The following ODF2 variants were observed in gnomAD, a reference collection of about 807,000 sequenced individuals.
ODF2 encodes the protein outer dense fiber protein 2.
In ODF2, 47 loss-of-function variants were observed where a neutral mutation model predicts 110.2. That is an observed-to-expected ratio of 0.43 (90% CI 0.34 to 0.54). The LOEUF (loss-of-function observed/expected upper bound fraction) is 0.54, where lower values mean the gene tolerates loss of function less well. Among genes scored for constraint, ODF2 ranks in the 20% least tolerant of loss-of-function variants. ODF2 has a pLI of 0.03. For missense variants in ODF2, 812 were observed against 1,054.5 expected, an observed-to-expected ratio of 0.77 and a Z score of 3.19; for synonymous variants, 352 against 397.7, an observed-to-expected ratio of 0.89 and a Z score of 1.37.
rs1407539928 is a variant in ODF2, at chr9:128,473,496, C to A, written c.712-114C>A. On this transcript the variant is annotated intron_variant, in intron 7 of 20. Transcript: ENST00000604420. The stretch of plus-strand genomic sequence containing the variant: ...TGCCCTTGATCACCTTGGCACTGTA[C>A]ACAGCCTGGTTCTCCTTGTCTGGGC... 7 of 1,514,022 alleles carry A rather than the reference C, an allele frequency of 4.6e-6. No homozygotes were observed. The East Asian group carries it at 9.3e-5, about 20-fold the overall frequency. 93.8% of individuals were successfully genotyped at this position (1,514,022 alleles called of 1,614,324 possible).
intron 8 of ODF2, 87 bp downstream of exon 8, chr9:128,473,828 A>T: frequency 3.1e-6 from 4 of 1,302,054 alleles, no homozygotes; most frequent in Non-Finnish European, 4.3e-6. Context: ...AGAAAATAAG[A>T]TTGGTGCCCG....
intron 8 of ODF2, among the ~76,000 whole-genome samples, chr9:128,476,316 G>T (rs1196862594): frequency 6.6e-6 from 1 of 152,092 alleles, no homozygotes; most frequent in East Asian, 1.9e-4. Context: ...TTGAGACCGA[G>T]TTTCACTCTT....
intron 4 of ODF2, among the ~76,000 whole-genome samples, chr9:128,467,014 A>T (rs867540016): frequency 2.0e-4 from 5 of 24,778 alleles, no homozygotes; most frequent in African/African-American, 3.5e-4. Context: ...AAAAAAAAAA[A>T]ATATATATAT....
intron 14 of ODF2, among the ~76,000 whole-genome samples, chr9:128,492,025 C>T (rs1179307074): frequency 6.6e-6 from 1 of 151,970 alleles, no homozygotes; most frequent in Non-Finnish European, 1.5e-5. Flanking sequence ...GCCACCACGC[C>T]CGGCTAATTT....
At chr9:128,465,574 C>G (rs967157914) in intron 4 of ODF2, among the ~76,000 whole-genome samples, 5 of 151,866 alleles carry the variant, frequency 3.3e-5, no homozygotes, top group Admixed American at 3.3e-4. Flanking sequence ...AACCCCATCT[C>G]AACTAAAAAT....
At chr9:128,457,779 A>G (rs1186739215) in intron 2 of ODF2, among the ~76,000 whole-genome samples, 1 of 152,142 alleles carries the variant, frequency 6.6e-6, no homozygotes, top group Non-Finnish European at 1.5e-5. Context: ...GCAGTTAGCA[A>G]GATAATGGAA....
intron 7 of ODF2, 24 bp downstream of exon 7, chr9:128,473,066 C>T: frequency 6.2e-7 from 1 of 1,613,542 alleles, no homozygotes; most frequent in Admixed American, 1.7e-5. Context: ...GGCAGGACCC[C>T]AGCCATGGAA....
At chr9:128,500,333 G>A in exon 21 of ODF2, 11 of 1,455,852 alleles carry the variant, frequency 7.6e-6, no homozygotes, top group Non-Finnish European at 1.0e-5. Flanking sequence ...GAGAAGCCTG[G>A]TGGTTTTCCT....
intron 11 of ODF2, 57 bp downstream of exon 11, chr9:128,484,111 G>A (rs552993928): frequency 7.9e-6 from 10 of 1,273,854 alleles, no homozygotes; most frequent in Middle Eastern, 2.2e-4. Flanking sequence ...CAATTTGATG[G>A]TAGCGGCCTG....
rs1314124391 is a variant in ODF2 at position 128,497,443 on chromosome 9, AAAAATATATATATATATATATAT to A, written c.2013-968_2013-946del. The A allele has an allele frequency of 1.1e-4, 9 of 84,294 alleles. No individual in the cohort carries two copies. The South Asian group carries it at 1.1e-3, about 10-fold the overall frequency. 5.2% of individuals were successfully genotyped at this position (84,294 alleles called of 1,614,324 possible). ...TCTACTAAAAAAAAAAAAAAAAAAAAAAAATATATATATATATATATATATATATATATATATATATATGTATA... is the reference window on the plus strand; with the variant it reads ...TCTACTAAAAAAAAAAAAAAAAAAAAATATATATATATATATATATGTATA... On this transcript the variant is annotated intron_variant, in intron 18 of 20. Transcript: ENST00000604420.
At chr9:128,460,144 A>G (rs1836033112) in intron 3 of ODF2, 1 of 1,296,366 alleles carries the variant, frequency 7.7e-7, no homozygotes, top group African/African-American at 1.5e-5. Flanking sequence ...TCCCACGCCA[A>G]TCTGCATGCC....
chr9:128,490,250 C>G (rs1342629661), intron 14 of ODF2, among the ~76,000 whole-genome samples: 1 of 151,880 alleles, frequency 6.6e-6, no homozygotes, highest in Non-Finnish European at 1.5e-5. Context: ...TGTGGTCATT[C>G]AAAATGATGT....
At chr9:128,456,436 CCT>C in intron 1 of ODF2, 181 bp downstream of exon 1, 1 of 1,508,210 alleles carries the variant, frequency 6.6e-7, no homozygotes, top group South Asian at 1.2e-5. Flanking sequence ...CGGCGCGGGG[CCT>C]CTCCTCCTCC....
chr9:128,494,827 G>A lies in ODF2; in HGVS notation c.1911+159G>A. 1 of 1,520,080 alleles carries A rather than the reference G, an allele frequency of 6.6e-7. No individual in the cohort carries two copies. The highest frequency in any genetic ancestry group is 8.8e-7 in the Non-Finnish European group (1 of 1,133,688). 94.2% of individuals were successfully genotyped at this position (1,520,080 alleles called of 1,614,324 possible). A position where few individuals can be genotyped will look rare whatever the true frequency, so the allele number is the denominator to read the frequency against. ...ATCAGTGCTGTGAAATAAAAGTCTG[G>A]TGTGCCAAATGCCATGTGTTTGCAC... On this transcript the variant is annotated intron_variant, in intron 17 of 20. Transcript: ENST00000604420. The surrounding 1 kb of genome is among the most constrained non-coding windows in gnomAD (Gnocchi z 4.6).
chr9:128,460,439 C>T lies in ODF2; in HGVS notation c.124-503C>T, dbSNP rs901078553. 29 of 1,524,998 alleles carry T rather than the reference C, an allele frequency of 1.9e-5. 2 individuals are homozygous for T. In the South Asian group the frequency reaches 3.3e-4, roughly 17 times the overall value. The allele number at this position is 1,524,998 out of a possible 1,614,324, so 94.5% of individuals were successfully genotyped here. A position where few individuals can be genotyped will look rare whatever the true frequency, so the allele number is the denominator to read the frequency against. ...CAGTAGTTGGTAGCTGTCCTGCTCG[C>T]TTGGTGGCTAGGCTTTTTGGTGGCC... On this transcript the variant is annotated intron_variant, in intron 3 of 20. Transcript: ENST00000604420.
chr9:128,482,251 G>T (rs563158265), intron 9 of ODF2, among the ~76,000 whole-genome samples: 1 of 152,242 alleles, frequency 6.6e-6, no homozygotes, highest in Admixed American at 6.5e-5. Context: ...GTTTCCCAAG[G>T]TGTGGTCTGT....
intron 3 of ODF2, among the ~76,000 whole-genome samples, chr9:128,459,954 G>A (rs1178429726): frequency 6.6e-6 from 1 of 152,134 alleles, no homozygotes; most frequent in East Asian, 1.9e-4. Flanking sequence ...TAAAGAATGA[G>A]GGGAAGGATA....
At chr9:128,459,657 G>T in exon 3 of ODF2, 3 of 1,610,346 alleles carry the variant, frequency 1.9e-6, no homozygotes, top group South Asian at 1.1e-5. Context: ...TAACTGTGAC[G>T]GTAGGTGATG....
chr9:128,491,690 T>C (rs1844595079), intron 14 of ODF2, among the ~76,000 whole-genome samples: 1 of 151,770 alleles, frequency 6.6e-6, no homozygotes, highest in African/African-American at 2.4e-5. Flanking sequence ...ATAAAAAGTA[T>C]GTTACATACA....
Sources: allele counts gnomAD v4.1 joint callset (sites outside exome capture counted in the v4.1 genomes callset), GRCh38; gene constraint gnomAD v4.1.1; non-coding constraint Gnocchi (gnomAD v3.1); transcripts MANE v1.5; gene names NCBI Gene and HGNC (gene_info 2026-07-23, HGNC 2026-07-21).